The following SLC24A2 variants were observed in gnomAD, a reference collection of about 807,000 sequenced individuals.
The protein encoded by SLC24A2 is sodium/potassium/calcium exchanger 2.
In SLC24A2, 36 loss-of-function variants were observed where a neutral mutation model predicts 62.0. The observed-to-expected ratio is 0.58, with a 90% CI of 0.44 to 0.77. The LOEUF (loss-of-function observed/expected upper bound fraction) is 0.77. Ranked by LOEUF, SLC24A2 falls within the 30% of genes least tolerant of loss-of-function variation. The pLI is 0.00. For synonymous variants in SLC24A2, 358 were observed against 294.0 expected, an observed-to-expected ratio of 1.22 and a Z score of -2.23; for missense variants, 846 against 817.9, an observed-to-expected ratio of 1.03 and a Z score of -0.42.
chr9:20,238,706 C>G, the SLC24A2 span, among the ~76,000 whole-genome samples: 1 of 152,146 alleles, frequency 6.6e-6, no homozygotes, highest in Non-Finnish European at 1.5e-5. Flanking sequence ...CATGTCTTAG[C>G]TTTGTGTACA....
chr9:20,136,044 T>C, the SLC24A2 span, among the ~76,000 whole-genome samples: 1 of 152,090 alleles, frequency 6.6e-6, no homozygotes. Flanking sequence ...AACCCCTCTT[T>C]GCATTTGAGG....
intron 6 of SLC24A2, among the ~76,000 whole-genome samples, chr9:19,574,667 A>G (rs2132847787): frequency 6.6e-6 from 1 of 152,208 alleles, no homozygotes; most frequent in Non-Finnish European, 1.5e-5. Context: ...AGCATAAACT[A>G]TTTGGATCTT....
the SLC24A2 span, among the ~76,000 whole-genome samples, chr9:19,858,059 C>T: frequency 6.6e-6 from 1 of 152,092 alleles, no homozygotes; most frequent in Non-Finnish European, 1.5e-5. Flanking sequence ...CAATCCTAAG[C>T]CAAAGGAGCA....
the SLC24A2 span, among the ~76,000 whole-genome samples, chr9:20,188,130 TCAAGGGAGGCCTTGTAG>T: frequency 1.3e-5 from 2 of 152,180 alleles, no homozygotes; most frequent in African/African-American, 2.4e-5. Flanking sequence ...GAAGCTCTTT[TCAAGGGAGGCCTTGTAG>T]AATTTCTGCT....
the SLC24A2 span, among the ~76,000 whole-genome samples, chr9:19,903,401 C>T: frequency 1.3e-5 from 2 of 152,182 alleles, no homozygotes; most frequent in Admixed American, 1.3e-4. Flanking sequence ...GCGTGCTTCA[C>T]ATTCATCTAG....
chr9:19,866,360 A>C, the SLC24A2 span, among the ~76,000 whole-genome samples: 1 of 152,222 alleles, frequency 6.6e-6, no homozygotes, highest in African/African-American at 2.4e-5. Context: ...TATATATCCC[A>C]AAGAAAGGAA....
At chr9:19,990,270 G>A in the SLC24A2 span, among the ~76,000 whole-genome samples, 2 of 151,998 alleles carry the variant, frequency 1.3e-5, no homozygotes, top group Non-Finnish European at 2.9e-5. Flanking sequence ...CTTATCCATG[G>A]TTTTGCTTTC....
the SLC24A2 span, among the ~76,000 whole-genome samples, chr9:20,231,560 C>A: frequency 1.3e-5 from 2 of 152,114 alleles, no homozygotes; most frequent in East Asian, 3.8e-4. Context: ...TATAAGAATG[C>A]TTGTGATTTG....
chr9:19,584,625 A>C (rs1347741460), intron 5 of SLC24A2, among the ~76,000 whole-genome samples: 1 of 152,080 alleles, frequency 6.6e-6, no homozygotes, highest in African/African-American at 2.4e-5. Context: ...TAAAAGCAAA[A>C]ATTTTTTTTT....
the SLC24A2 span, among the ~76,000 whole-genome samples, chr9:20,119,517 C>G: frequency 2.0e-5 from 3 of 152,092 alleles, no homozygotes; most frequent in Non-Finnish European, 4.4e-5. Flanking sequence ...TCATAATCAT[C>G]TCAATACCTG....
the SLC24A2 span, among the ~76,000 whole-genome samples, chr9:20,041,907 G>C: frequency 6.6e-6 from 1 of 152,242 alleles, no homozygotes; most frequent in African/African-American, 2.4e-5. Context: ...CACTTGACAG[G>C]TAGGCTTGCT....
the SLC24A2 span, among the ~76,000 whole-genome samples, chr9:20,218,287 G>C: frequency 0.11 from 17,468 of 152,024 alleles, 2,280 homozygotes; most frequent in East Asian, 0.61. Flanking sequence ...CAGTCATTTG[G>C]GTCTTTGATT....
chr9:19,517,494 G>T (rs182793269), intron 10 of SLC24A2, among the ~76,000 whole-genome samples: 1 of 152,226 alleles, frequency 6.6e-6, no homozygotes, highest in Admixed American at 6.5e-5. Context: ...GTGCTGGAGA[G>T]ACGGCATTGG....
intron 4 of SLC24A2, among the ~76,000 whole-genome samples, chr9:19,604,786 A>C (rs867693782): frequency 3.6e-4 from 55 of 152,252 alleles, no homozygotes; most frequent in African/African-American, 1.3e-3. Flanking sequence ...ATGTGACAGT[A>C]ATTCAAGGTA....
chr9:19,606,136 T>C (rs138708619), intron 4 of SLC24A2, among the ~76,000 whole-genome samples: 2 of 152,098 alleles, frequency 1.3e-5, no homozygotes, highest in East Asian at 1.9e-4. Flanking sequence ...GTCAAGAAAA[T>C]AGTTGTAACC....
intron 2 of SLC24A2, among the ~76,000 whole-genome samples, chr9:19,642,498 C>T (rs936282529): frequency 3.3e-5 from 5 of 152,020 alleles, no homozygotes; most frequent in Non-Finnish European, 2.9e-5. Context: ...GGTCAATTTT[C>T]CAAGCTAAGC....
At chr9:19,633,118 T>A (rs1334428715) in intron 2 of SLC24A2, among the ~76,000 whole-genome samples, 1 of 152,242 alleles carries the variant, frequency 6.6e-6, no homozygotes, top group Non-Finnish European at 1.5e-5. Flanking sequence ...AGGGTCTAAG[T>A]TATTGTATGT....
chr9:19,611,163 A>T (rs1005180024), intron 4 of SLC24A2, among the ~76,000 whole-genome samples: 1 of 151,958 alleles, frequency 6.6e-6, no homozygotes, highest in Admixed American at 6.6e-5. Flanking sequence ...AGCCAACTGG[A>T]TATCTAGAAA....
At chr9:19,975,076 G>A in the SLC24A2 span, among the ~76,000 whole-genome samples, 4 of 152,222 alleles carry the variant, frequency 2.6e-5, no homozygotes, top group Non-Finnish European at 5.9e-5. Flanking sequence ...ATCCCTAAGG[G>A]AGGGTAATGG....
Sources: allele counts gnomAD v4.1 joint callset (sites outside exome capture counted in the v4.1 genomes callset), GRCh38; gene constraint gnomAD v4.1.1; transcripts MANE v1.5; gene names NCBI Gene and HGNC (gene_info 2026-07-23, HGNC 2026-07-21).